Variants in PBLD observed in about 807,000 individuals in gnomAD.
PBLD encodes phenazine biosynthesis-like domain-containing protein.
A neutral mutation model predicts 31.3 loss-of-function variants in PBLD; 26 were observed. The observed-to-expected ratio is 0.83, with a 90% confidence interval of 0.61 to 1.15. The LOEUF is 1.15. PBLD is among the 50% of genes most tolerant of loss of function. PBLD has a pLI of 0.00. For missense variants in PBLD, 307 were observed against 351.7 expected (o/e 0.87, Z 1.02); for synonymous variants, 114 against 129.0 (o/e 0.88, Z 0.79).
rs2044258569 is a variant in PBLD, at chr10:68,284,145, T to C, written c.*32A>G. Reference sequence around the variant, plus strand: ...TTTTTAAGCAGAAAATACTTGGTGGTTAGAGACAGCAGCGTCACAGCATAA... The same window carrying C: ...TTTTTAAGCAGAAAATACTTGGTGGCTAGAGACAGCAGCGTCACAGCATAA... On this transcript the variant is annotated 3_prime_UTR_variant, in exon 10 of 10. Transcript: ENST00000358769. The C allele has an allele frequency of 6.4e-7, 1 of 1,561,536 alleles. No homozygotes were observed. The highest frequency in any genetic ancestry group is 8.8e-7 in the Non-Finnish European group (1 of 1,135,714).
intron 1 of PBLD, among the ~76,000 whole-genome samples, chr10:68,313,537 G>T (rs1049937095): frequency 3.3e-5 from 5 of 152,174 alleles, no homozygotes; most frequent in Non-Finnish European, 4.4e-5. Flanking sequence ...TCATAGGCTA[G>T]TTCTGAATTC....
At chr10:68,321,467 A>G (rs2044834138) in intron 1 of PBLD, among the ~76,000 whole-genome samples, 1 of 152,230 alleles carries the variant, frequency 6.6e-6, no homozygotes, top group South Asian at 2.1e-4. Context: ...CCCATTAAAG[A>G]AGTCTCAATA....
intron 4 of PBLD, among the ~76,000 whole-genome samples, chr10:68,295,495 A>C (rs1405449914): frequency 1.3e-5 from 1 of 78,838 alleles, no homozygotes; most frequent in African/African-American, 5.6e-5. Flanking sequence ...CCCATCTCAG[A>C]AAAAAAAAAA....
chr10:68,298,732 G>A (rs919603097), intron 2 of PBLD, among the ~76,000 whole-genome samples: 3 of 145,782 alleles, frequency 2.1e-5, no homozygotes, highest in South Asian at 2.2e-4. Context: ...AAGGTTTATT[G>A]TGAAGATATA....
intron 1 of PBLD, among the ~76,000 whole-genome samples, chr10:68,322,120 C>T (rs909379938): frequency 6.6e-6 from 1 of 152,092 alleles, no homozygotes; most frequent in Non-Finnish European, 1.5e-5. Context: ...ATGTTATTAC[C>T]ATGTGAAGAG....
intron 1 of PBLD, among the ~76,000 whole-genome samples, chr10:68,326,212 G>A (rs2044917917): frequency 6.6e-6 from 1 of 151,984 alleles, no homozygotes; most frequent in Admixed American, 6.6e-5. Flanking sequence ...AATTATTTTT[G>A]TATTTTTAGT....
chr10:68,301,053 TA>T (rs2044499203), intron 2 of PBLD, among the ~76,000 whole-genome samples: 2 of 152,080 alleles, frequency 1.3e-5, no homozygotes, highest in African/African-American at 4.8e-5. Context: ...TGTGCCACCA[TA>T]CCCGGCTGAT....
chr10:68,290,585 C>T (rs572187389), intron 6 of PBLD, among the ~76,000 whole-genome samples: 3 of 152,140 alleles, frequency 2.0e-5, no homozygotes, highest in Non-Finnish European at 2.9e-5. Context: ...GGCATGGTGG[C>T]GCATGCCTGT....
chr10:68,305,712 G>A (rs12415627), intron 2 of PBLD, among the ~76,000 whole-genome samples: 112,152 of 151,932 alleles, frequency 0.74, 42,291 homozygotes, highest in Middle Eastern at 0.84. Context: ...CTCAGATCAC[G>A]CCATTGCACT....
intron 1 of PBLD, among the ~76,000 whole-genome samples, chr10:68,317,664 G>A (rs1377044788): frequency 6.6e-6 from 1 of 152,020 alleles, no homozygotes; most frequent in African/African-American, 2.4e-5. Flanking sequence ...GGTGGGCATG[G>A]TCATGTGCCT....
At chr10:68,319,100 AAAGAAAGAAAG>A (rs1564737522) in intron 1 of PBLD, among the ~76,000 whole-genome samples, 2 of 133,936 alleles carry the variant, frequency 1.5e-5, no homozygotes, top group Non-Finnish European at 3.1e-5. Context: ...AGAAAGAAAG[AAAGAAAGAAAG>A]GAAAAAGAAA....
At chr10:68,297,172 G>A (rs1330884011) in intron 2 of PBLD, 187 bp from the exon 3 acceptor site, 5 of 594,868 alleles carry the variant, frequency 8.4e-6, no homozygotes, top group Non-Finnish European at 1.5e-5. Flanking sequence ...TGCTTGCAGT[G>A]CCCTGTGAAG....
At chr10:68,284,432 A>C (rs1027025552) in intron 9 of PBLD, 143 bp from the exon 10 acceptor site, 2 of 660,758 alleles carry the variant, frequency 3.0e-6, no homozygotes, top group East Asian at 3.0e-5. Context: ...GGTACTGCCC[A>C]CTCCCATCCC....
chr10:68,304,613 A>G (rs1459445541), intron 2 of PBLD, among the ~76,000 whole-genome samples: 5 of 152,256 alleles, frequency 3.3e-5, no homozygotes, highest in African/African-American at 7.2e-5. Flanking sequence ...TATCAATCCC[A>G]TAAGTCTGAT....
chr10:68,309,787 C>T (rs2044638430), intron 1 of PBLD, among the ~76,000 whole-genome samples: 1 of 129,910 alleles, frequency 7.7e-6, no homozygotes, highest in African/African-American at 3.0e-5. Flanking sequence ...AGCCTGGTGA[C>T]AGAGAGAGAC....
intron 6 of PBLD, among the ~76,000 whole-genome samples, chr10:68,291,149 C>T (rs1482312174): frequency 1.3e-5 from 2 of 152,112 alleles, no homozygotes; most frequent in Admixed American, 1.3e-4. Context: ...CTGGTCCTGA[C>T]CTGGGCCCTC....
chr10:68,320,440 T>C (rs1009061592), intron 1 of PBLD, among the ~76,000 whole-genome samples: 3 of 152,186 alleles, frequency 2.0e-5, no homozygotes, highest in African/African-American at 7.2e-5. Flanking sequence ...TCCCTTGGTA[T>C]CCACAAGGCA....
intron 1 of PBLD, among the ~76,000 whole-genome samples, chr10:68,308,850 G>GTGTGTA (rs1255769602): frequency 6.9e-6 from 1 of 145,590 alleles, no homozygotes. Flanking sequence ...TGCATGGTGT[G>GTGTGTA]TGTGTGTGTG....
rs147768217 is a variant in PBLD, at chr10:68,323,297, C to A, written c.-60+9487G>T. On this transcript the variant is annotated intron_variant, in intron 1 of 9. Coordinates refer to ENST00000358769, the MANE Select transcript of PBLD (RefSeq NM_022129.4). ...AGACCCTAGGCTGGGCATGGTGGCT[C>A]ACGCCTGTAATCCCAGCACTTTGGG... Among the ~76,000 whole-genome samples, 249 of 152,100 alleles carry A rather than the reference C, an allele frequency of 1.6e-3. 2 individuals carry two copies. The highest frequency in any genetic ancestry group is 5.6e-3 in the African/African-American group (231 of 41,502).
Sources: allele counts gnomAD v4.1 joint callset (sites outside exome capture counted in the v4.1 genomes callset), GRCh38; gene constraint gnomAD v4.1.1; transcripts MANE v1.5; gene names NCBI Gene and HGNC (gene_info 2026-07-23, HGNC 2026-07-21).